Variants in ELOVL6 observed in about 807,000 individuals in gnomAD.
ELOVL6 encodes the protein very long chain fatty acid elongase 6.
Under a neutral mutation model 31.7 loss-of-function variants are expected in ELOVL6, and 8 were observed. The ratio of observed to expected loss-of-function variants is 0.25; its 90% confidence interval spans 0.15 to 0.45. The LOEUF is 0.45. ELOVL6 is among the 20% of genes least tolerant of loss of function. The pLI is 1.00. For synonymous variants in ELOVL6, 101 were observed against 117.7 expected (o/e 0.86, Z 0.92); for missense variants, 126 against 326.4 (o/e 0.39, Z 4.73).
At chr4:110,088,565 T>C (rs1042615605) in intron 2 of ELOVL6, among the ~76,000 whole-genome samples, 1 of 152,226 alleles carries the variant, frequency 6.6e-6, no homozygotes, top group Non-Finnish European at 1.5e-5. Flanking sequence ...GTTTTCACCA[T>C]AGATCTTGGC....
At chr4:110,090,603 T>TTTTGTTTTTTTTTTTTG (rs1420525402) in intron 2 of ELOVL6, among the ~76,000 whole-genome samples, 8 of 139,058 alleles carry the variant, frequency 5.8e-5, no homozygotes, top group Non-Finnish European at 7.7e-5. Flanking sequence ...TGACTTTCTT[T>TTTTGTTTTTTTTTTTTG]TTTTTTTTTT....
chr4:110,054,376 A>AT (rs1210397318), intron 3 of ELOVL6, among the ~76,000 whole-genome samples: 1 of 152,210 alleles, frequency 6.6e-6, no homozygotes, highest in Non-Finnish European at 1.5e-5. Context: ...CCGTTTCTGT[A>AT]TAAGTACTAC....
At chr4:110,124,847 C>G (rs769558036) in intron 1 of ELOVL6, among the ~76,000 whole-genome samples, 9 of 152,138 alleles carry the variant, frequency 5.9e-5, no homozygotes, top group Admixed American at 2.0e-4. Flanking sequence ...TTTCTACAAG[C>G]ACATTAATTC....
intron 2 of ELOVL6, among the ~76,000 whole-genome samples, chr4:110,100,251 CA>C (rs1756704593): frequency 6.6e-6 from 1 of 152,042 alleles, no homozygotes; most frequent in African/African-American, 2.4e-5. Flanking sequence ...AAATCTTCCT[CA>C]AATGAAATGA....
chr4:110,188,802 A>T (rs1759521569), intron 1 of ELOVL6, among the ~76,000 whole-genome samples: 1 of 150,986 alleles, frequency 6.6e-6, no homozygotes, highest in Non-Finnish European at 1.5e-5. Context: ...TGAGGCGGAG[A>T]GTTGCTTGAA....
At chr4:110,141,372 G>A (rs542331954) in intron 1 of ELOVL6, among the ~76,000 whole-genome samples, 4 of 151,884 alleles carry the variant, frequency 2.6e-5, no homozygotes, top group Non-Finnish European at 5.9e-5. Context: ...TGGAGCATTG[G>A]TATATAAAAG....
At chr4:110,194,624 T>A (rs776604587) in intron 1 of ELOVL6, among the ~76,000 whole-genome samples, 4 of 152,216 alleles carry the variant, frequency 2.6e-5, no homozygotes, top group African/African-American at 7.2e-5. Flanking sequence ...TTTATACAAA[T>A]GCTACTCCAA....
intron 1 of ELOVL6, among the ~76,000 whole-genome samples, chr4:110,116,589 G>A (rs1294023503): frequency 6.6e-6 from 1 of 152,148 alleles, no homozygotes; most frequent in African/African-American, 2.4e-5. Flanking sequence ...TTACTAATAT[G>A]TATTCGATTT....
At position 110,169,238 on chromosome 4, in the gene ELOVL6, G is replaced by GTTTTTT. The variant is rs140593620; in HGVS notation, c.89+29008_89+29009insAAAAAA. ...CCCCAACAGAGTTTTGGGGTTTTTT[G>GTTTTTT]TTTTGTTTTTTTTTTTTTGAGACGG... On this transcript the variant is annotated intron_variant, in intron 1 of 3. Transcript: ENST00000302274. Among the ~76,000 whole-genome samples, 6 of 136,732 alleles carry GTTTTTT rather than the reference G, an allele frequency of 4.4e-5. 2 individuals are homozygous for GTTTTTT. Among genetic ancestry groups the GTTTTTT allele is most frequent in the Non-Finnish European group, 6.2e-5 (4 of 64,676 alleles). The allele number at this position is 136,732 out of a possible 152,430, so 89.7% of individuals were successfully genotyped here.
At chr4:110,076,231 G>A (rs1456376596) in intron 2 of ELOVL6, among the ~76,000 whole-genome samples, 2 of 152,204 alleles carry the variant, frequency 1.3e-5, no homozygotes, top group Non-Finnish European at 2.9e-5. Context: ...TTAGTGATAA[G>A]TGCTGAAGAA....
At chr4:110,174,070 A>T (rs1325775301) in intron 1 of ELOVL6, among the ~76,000 whole-genome samples, 2 of 152,120 alleles carry the variant, frequency 1.3e-5, no homozygotes, top group Non-Finnish European at 2.9e-5. Context: ...TGTAAATTTT[A>T]AAAAAGATTA....
chr4:110,082,744 T>TA (rs1264330279), intron 2 of ELOVL6, among the ~76,000 whole-genome samples: 3 of 152,220 alleles, frequency 2.0e-5, no homozygotes, highest in East Asian at 1.9e-4. Context: ...CAAAGTATAA[T>TA]AAAAAAATAA....
intron 1 of ELOVL6, among the ~76,000 whole-genome samples, chr4:110,130,131 C>T (rs185094392): frequency 2.6e-4 from 39 of 152,028 alleles, no homozygotes; most frequent in African/African-American, 9.2e-4. Flanking sequence ...TTCTTGACCT[C>T]GTGACCCGCC....
intron 3 of ELOVL6, among the ~76,000 whole-genome samples, chr4:110,057,800 G>A (rs1174696322): frequency 4.7e-5 from 7 of 148,318 alleles, no homozygotes; most frequent in Non-Finnish European, 1.0e-4. Flanking sequence ...GCAGTGAGCC[G>A]AGATCGCGCC....
chr4:110,071,630 C>T (rs1472514969), intron 2 of ELOVL6, among the ~76,000 whole-genome samples: 1 of 152,114 alleles, frequency 6.6e-6, no homozygotes, highest in African/African-American at 2.4e-5. Context: ...CCCTCTCCCG[C>T]CCAGCCTTCC....
intron 1 of ELOVL6, among the ~76,000 whole-genome samples, chr4:110,159,134 T>A (rs989676646): frequency 3.3e-5 from 5 of 152,194 alleles, no homozygotes; most frequent in Admixed American, 1.3e-4. Context: ...AATAATTATA[T>A]ACCTGACAGC....
chr4:110,160,171 ATCTTTC>A (rs1286960133), intron 1 of ELOVL6, among the ~76,000 whole-genome samples: 1 of 152,032 alleles, frequency 6.6e-6, no homozygotes, highest in Non-Finnish European at 1.5e-5. Flanking sequence ...TATCTTGGAG[ATCTTTC>A]CATGACAGTG....
At chr4:110,119,142 G>C (rs1225707731) in intron 1 of ELOVL6, among the ~76,000 whole-genome samples, 2 of 152,046 alleles carry the variant, frequency 1.3e-5, no homozygotes, top group African/African-American at 4.8e-5. Context: ...AATAAAATAG[G>C]TGGTATTGGC....
chr4:110,131,709 A>C (rs74780816), intron 1 of ELOVL6, among the ~76,000 whole-genome samples: 2,797 of 152,260 alleles, frequency 0.018, 42 homozygotes, highest in Middle Eastern at 0.037. Context: ...TATTAACAAC[A>C]ACCAAATGAT....
Sources: allele counts gnomAD v4.1 joint callset (sites outside exome capture counted in the v4.1 genomes callset), GRCh38; gene constraint gnomAD v4.1.1; transcripts MANE v1.5; gene names NCBI Gene and HGNC (gene_info 2026-07-23, HGNC 2026-07-21).